The following SPHKAP variants were observed in gnomAD, a reference collection of about 807,000 sequenced individuals.
SPHKAP encodes the protein SPHK1 interactor, AKAP domain containing.
A neutral mutation model predicts 137.5 loss-of-function variants in SPHKAP; 67 were observed. The ratio of observed to expected loss-of-function variants is 0.49; its 90% CI spans 0.40 to 0.60. The LOEUF is 0.60. Among genes scored for constraint, SPHKAP ranks in the 20% least tolerant of loss-of-function variants. The pLI, the probability that SPHKAP is intolerant of heterozygous loss-of-function variation, is 0.00. For missense variants in SPHKAP, 2,097 were observed against 2,069.3 expected (o/e 1.01, Z -0.26); for synonymous variants, 813 against 785.3 (o/e 1.04, Z -0.59).
intron 11 of SPHKAP, 82 bp downstream of exon 11, chr2:227,990,918 G>A: frequency 1.5e-6 from 2 of 1,373,534 alleles, no homozygotes; most frequent in Non-Finnish European, 2.0e-6. Context: ...CAAATGGACA[G>A]GGGTTTACTG....
chr2:228,169,805 C>A (rs549419437), intron 1 of SPHKAP: 2 of 151,902 alleles, frequency 1.3e-5, no homozygotes, highest in Admixed American at 1.3e-4. Context: ...AGCATGGGCC[C>A]AGCACAGGAA....
chr2:228,086,861 G>A (rs1697555012), intron 3 of SPHKAP, among the ~76,000 whole-genome samples: 1 of 152,130 alleles, frequency 6.6e-6, no homozygotes, highest in Non-Finnish European at 1.5e-5. Flanking sequence ...TAAGCCATTG[G>A]CCAGCTAGTG....
rs181126246 is a variant in SPHKAP, at chr2:228,082,491, T to C, written c.246+26341A>G. Among the ~76,000 whole-genome samples the C allele has an allele frequency of 2.6e-5, 4 of 152,210 alleles. No individual in the cohort carries two copies. In the East Asian group the frequency reaches 7.7e-4, roughly 29 times the overall value. On this transcript the variant is annotated intron_variant, in intron 3 of 11. Transcript: ENST00000392056. ...AACAGGTGATAAGTGGGCAGAAAAA[T>C]TCTCAGGAAGGCATCTAAAATGGTA...
At chr2:228,102,785 C>T (rs1698218783) in intron 3 of SPHKAP, among the ~76,000 whole-genome samples, 1 of 152,080 alleles carries the variant, frequency 6.6e-6, no homozygotes, top group South Asian at 2.1e-4. Context: ...CTCTGTCACC[C>T]CGGCTGGAGT....
chr2:228,118,436 G>T (rs561525441), intron 2 of SPHKAP, among the ~76,000 whole-genome samples: 10 of 151,952 alleles, frequency 6.6e-5, no homozygotes, highest in East Asian at 1.9e-4. Flanking sequence ...ATAAGAAACT[G>T]AAAAAATGTC....
At chr2:228,078,560 A>T (rs1022080456) in intron 3 of SPHKAP, among the ~76,000 whole-genome samples, 2 of 152,190 alleles carry the variant, frequency 1.3e-5, no homozygotes, top group Middle Eastern at 3.2e-3. Flanking sequence ...AGATGCCAAC[A>T]AGATGGTGGA....
intron 3 of SPHKAP, among the ~76,000 whole-genome samples, chr2:228,103,183 C>G (rs1464771880): frequency 6.6e-6 from 1 of 152,176 alleles, no homozygotes; most frequent in Non-Finnish European, 1.5e-5. Context: ...TCCCCCAACC[C>G]CCCACAGAAA....
chr2:228,036,426 C>G (rs1212268471), intron 3 of SPHKAP, among the ~76,000 whole-genome samples: 1 of 152,216 alleles, frequency 6.6e-6, no homozygotes, highest in African/African-American at 2.4e-5. Context: ...CACTTTTACA[C>G]TGTTGGTGGC....
rs772137900 is a variant in SPHKAP at position 227,991,282 on chromosome 2, C to G, written c.4766G>C (p.Ser1589Thr). The change falls in exon 10 of 12, where the codon AGC becomes ACC. Residue 1589 changes from serine to threonine, a missense_variant. Physicochemically the swap from Ser to Thr is moderately conservative, Grantham distance 58. Transcript: ENST00000392056. ...EKKILKGQSE[S>T]TEAPASGPPT... The stretch of plus-strand genomic sequence containing the variant: ...ATGGGAAGGTGGCTTACCCTCTGTG[C>G]TTTCTGACTGTCCTTTAAGAATCTT... 6.2e-7 allele frequency: 1 copy of G among 1,614,204 alleles called. No homozygotes were observed. Among genetic ancestry groups the G allele is most frequent in the Non-Finnish European group, 8.5e-7 (1 of 1,180,022 alleles).
At position 227,981,717 on chromosome 2, in the gene SPHKAP, T is replaced by A; in HGVS notation, c.5103A>T (p.Ter1701TyrextTer1). The change falls in exon 12 of 12, where the codon TAA becomes TAT. Residue 1701 changes from the stop codon to tyrosine, a stop_lost. Coordinates refer to ENST00000392056, the MANE Select transcript of SPHKAP (RefSeq NM_001142644.2). ...ATGATCTATACGGCAGACTGCCTTA[T>A]TATCCCAGTTCCAAGAGCCAGTCAA... ...SLFDWLLELG[*>Y] 1 of 1,612,736 alleles carries A rather than the reference T, an allele frequency of 6.2e-7. No homozygotes were observed. Among genetic ancestry groups the A allele is most frequent in the Non-Finnish European group, 8.5e-7 (1 of 1,179,314 alleles).
At chr2:228,178,627 G>A (rs1415238523) in intron 1 of SPHKAP, among the ~76,000 whole-genome samples, 1 of 151,504 alleles carries the variant, frequency 6.6e-6, no homozygotes, top group Non-Finnish European at 1.5e-5. Context: ...ACCTCTATCA[G>A]CGATTTTAGA....
chr2:228,114,924 C>T (rs918903764), intron 2 of SPHKAP, among the ~76,000 whole-genome samples: 2 of 152,086 alleles, frequency 1.3e-5, no homozygotes, highest in Admixed American at 6.6e-5. Flanking sequence ...AAATCTGGTG[C>T]TTTGATCCAA....
At chr2:228,030,550 A>AT (rs1475266591) in intron 3 of SPHKAP, among the ~76,000 whole-genome samples, 53 of 82,506 alleles carry the variant, frequency 6.4e-4, no homozygotes, top group African/African-American at 2.3e-3. Flanking sequence ...AAACAAAAAA[A>AT]AAAAAATAAA....
chr2:227,982,380 C>G, intron 11 of SPHKAP: 1 of 985,294 alleles, frequency 1.0e-6, no homozygotes, highest in South Asian at 4.7e-5. Context: ...AATCAAGGAT[C>G]AAGAAAGCCT....
intron 7 of SPHKAP, among the ~76,000 whole-genome samples, chr2:228,014,053 T>A (rs1015942638): frequency 6.6e-6 from 1 of 152,220 alleles, no homozygotes; most frequent in African/African-American, 2.4e-5. Flanking sequence ...GGAAAAAGCA[T>A]TGAATTGTAC....
chr2:227,994,269 G>T (rs577706339), intron 8 of SPHKAP, among the ~76,000 whole-genome samples: 1 of 152,196 alleles, frequency 6.6e-6, no homozygotes, highest in East Asian at 1.9e-4. Flanking sequence ...ACTGTAGAGA[G>T]GGAGGACCAC....
intron 3 of SPHKAP, among the ~76,000 whole-genome samples, chr2:228,063,982 C>T (rs1416313483): frequency 6.6e-6 from 1 of 152,276 alleles, no homozygotes; most frequent in East Asian, 1.9e-4. Context: ...GAGGGCTGAT[C>T]TTTAACAGCA....
In SPHKAP at chr2:227,995,030, TCTC is replaced by T. The variant is rs1271303029; in HGVS notation, c.4634+476_4634+478del. Among the ~76,000 whole-genome samples, 11 of 152,244 alleles carry T rather than the reference TCTC, an allele frequency of 7.2e-5. No individual in the cohort carries two copies. The East Asian group carries it at 1.9e-3, about 27-fold the overall frequency. On this transcript the variant is annotated intron_variant, in intron 8 of 11. Coordinates refer to ENST00000392056, the MANE Select transcript of SPHKAP (RefSeq NM_001142644.2). ...CCCTTCCAAATCTGATGTCTCTTAATCTCCTCTCTAGCTTTTTGGGAGGAACAA... is the reference window on the plus strand; with the variant it reads ...CCCTTCCAAATCTGATGTCTCTTAATCTCTCTAGCTTTTTGGGAGGAACAA...
In SPHKAP at chr2:227,980,100, G is replaced by A. The variant is rs1360100210; in HGVS notation, c.*1617C>T. On this transcript the variant is annotated 3_prime_UTR_variant, in exon 12 of 12. Coordinates refer to ENST00000392056, the MANE Select transcript of SPHKAP (RefSeq NM_001142644.2). Reference sequence around the variant, plus strand: ...ACAAAAGTCTACACACAGTATTCTGGGATTGTTTAAAAAATAAGTGTATTC... The same window carrying A: ...ACAAAAGTCTACACACAGTATTCTGAGATTGTTTAAAAAATAAGTGTATTC... 1 of 152,458 alleles carries A rather than the reference G, an allele frequency of 6.6e-6. No individual in the cohort carries two copies. Among genetic ancestry groups the A allele is most frequent in the African/African-American group, 2.4e-5 (1 of 41,368 alleles). 9.4% of individuals were successfully genotyped at this position (152,458 alleles called of 1,614,324 possible). A position where few individuals can be genotyped will look rare whatever the true frequency, so the allele number is the denominator to read the frequency against.
Sources: gnomAD v4.1 joint callset for allele counts (sites outside exome capture counted in the v4.1 genomes callset) on GRCh38, gnomAD v4.1.1 for gene constraint, MANE v1.5 for transcripts, NCBI Gene and HGNC (gene_info 2026-07-23, HGNC 2026-07-21) for gene names.